MAMLD1: variants seen among roughly 807,000 people sequenced by gnomAD.
MAMLD1 encodes mastermind-like domain-containing protein 1.
Under a neutral mutation model 45.0 loss-of-function variants are expected in MAMLD1, and 14 were observed. The ratio of observed to expected loss-of-function variants is 0.31; its 90% CI spans 0.21 to 0.49. MAMLD1 has a LOEUF of 0.49. MAMLD1 is among the 20% of genes least tolerant of loss of function. The probability of loss-of-function intolerance (pLI) is 0.99; values close to 1 mark genes in which losing one functional copy is unlikely to be tolerated. For missense variants in MAMLD1, 543 were observed against 603.6 expected, an observed-to-expected ratio of 0.90 and a Z score of 1.05; for synonymous variants, 254 against 247.8, an observed-to-expected ratio of 1.02 and a Z score of -0.24.
chrX:150,497,001 ATC>A (rs1473858983), intron 5 of MAMLD1, among the ~76,000 whole-genome samples: 1 of 112,720 alleles, frequency 8.9e-6, no homozygotes, highest in African/African-American at 3.2e-5. Flanking sequence ...TAAATTTCAA[ATC>A]TGAGAATTTA....
chrX:150,448,601 G>A (rs1426914403), intron 2 of MAMLD1, among the ~76,000 whole-genome samples: 1 of 112,219 alleles, frequency 8.9e-6, no homozygotes, highest in African/African-American at 3.2e-5. Context: ...GGGAACAGAA[G>A]AGTTTGACCT....
At chrX:150,446,931 A>C (rs192055145) in intron 2 of MAMLD1, among the ~76,000 whole-genome samples, 1 of 112,608 alleles carries the variant, frequency 8.9e-6, no homozygotes, top group Non-Finnish European at 1.9e-5. Flanking sequence ...CTTGGGCCAA[A>C]TTGTAGAAGA....
In MAMLD1 at chrX:150,471,235, C is replaced by T; in HGVS notation, c.1662C>T (p.Pro554=). The part of the protein sequence containing the change: ...PLSHFVSEPG[P]QKMPSMPTTS... ...CCCATTTTGTTTCTGAGCCGGGTCC[C>T]CAGAAGATGCCCTCCATGCCTACCA... The change falls in exon 4 of 8, where the codon CCC becomes CCT. Residue 554 remains proline, a synonymous_variant. Coordinates refer to ENST00000370401, the MANE Select transcript of MAMLD1 (RefSeq NM_005491.5). The T allele has an allele frequency of 8.3e-7, 1 of 1,211,693 alleles. No homozygotes were observed.
In MAMLD1 at chrX:150,385,313, C is replaced by G. The variant is rs2032875082; in HGVS notation, c.-64+21783C>G. ...ACACACACACACACACACACACACA[C>G]AGAGTTTATGCTTGAACAACATAGT... On this transcript the variant is annotated intron_variant, in intron 1 of 7. Transcript: ENST00000370401. 5.5e-5 allele frequency among the ~76,000 whole-genome samples: 6 copies of G among 108,110 alleles called. No individual in the cohort carries two copies. The South Asian group carries it at 2.0e-3, about 35-fold the overall frequency. The allele number at this position is 108,110 out of a possible 115,157, so 93.9% of individuals were successfully genotyped here. A position where few individuals can be genotyped will look rare whatever the true frequency, so the allele number is the denominator to read the frequency against.
chrX:150,511,870 G>C (rs1445994406), intron 7 of MAMLD1, 134 bp from the exon 8 acceptor site: 5 of 466,157 alleles, frequency 1.1e-5, no homozygotes, highest in Non-Finnish European at 1.6e-5. Flanking sequence ...CTGGGGAGCA[G>C]GGGGGAGCTC....
At chrX:150,495,999 A>ACAAAG (rs2148346760) in intron 5 of MAMLD1, among the ~76,000 whole-genome samples, 1 of 112,888 alleles carries the variant, frequency 8.9e-6, no homozygotes, top group South Asian at 3.6e-4. Flanking sequence ...GTCTTTAAAA[A>ACAAAG]CAAAACAAAA....
At chrX:150,412,398 C>T (rs1172646831) in intron 1 of MAMLD1, among the ~76,000 whole-genome samples, 4 of 110,825 alleles carry the variant, frequency 3.6e-5, no homozygotes, top group Non-Finnish European at 7.6e-5. Context: ...GCAAATCTAC[C>T]TCTTCAGCTC....
intron 6 of MAMLD1, among the ~76,000 whole-genome samples, chrX:150,507,751 C>T (rs1603041625): frequency 1.8e-5 from 2 of 112,491 alleles, no homozygotes; most frequent in Admixed American, 9.3e-5. Context: ...TGCCCTGCCC[C>T]GGCGTGGCCT....
chrX:150,506,252 A>G (rs1401769598), intron 6 of MAMLD1, among the ~76,000 whole-genome samples: 1 of 109,107 alleles, frequency 9.2e-6, no homozygotes, highest in Non-Finnish European at 1.9e-5. Flanking sequence ...GGAGGGGTAG[A>G]TAATCTCCCC....
At chrX:150,461,192 C>T (rs1816359209) in intron 2 of MAMLD1, among the ~76,000 whole-genome samples, 1 of 113,127 alleles carries the variant, frequency 8.8e-6, no homozygotes, top group African/African-American at 3.2e-5. Flanking sequence ...CCCTGGGTGG[C>T]CCTGGAGGTG....
Position 150,512,128 on chromosome X carries a change from C to T in MAMLD1, c.*169C>T. 1 of 1,153,896 alleles carries T rather than the reference C, an allele frequency of 8.7e-7. No individual in the cohort carries two copies. The highest frequency in any genetic ancestry group is 1.9e-5 in the South Asian group (1 of 52,258). On this transcript the variant is annotated 3_prime_UTR_variant, in exon 8 of 8. Coordinates refer to ENST00000370401, the MANE Select transcript of MAMLD1 (RefSeq NM_005491.5). ...ATCTGAGTCCAGGAATGATCCCACT[C>T]ACCAGGCACCAGAGCTGCGAGGGCA...
intron 1 of MAMLD1, among the ~76,000 whole-genome samples, chrX:150,364,110 C>T (rs782019836): frequency 8.8e-6 from 1 of 113,248 alleles, no homozygotes; most frequent in East Asian, 2.8e-4. Flanking sequence ...CGGAGCTGAG[C>T]TGGTGTTCAG....
intron 2 of MAMLD1, among the ~76,000 whole-genome samples, chrX:150,457,302 C>A (rs1174031089): frequency 8.9e-6 from 1 of 112,189 alleles, no homozygotes; most frequent in Non-Finnish European, 1.9e-5. Flanking sequence ...GCAGAGATTT[C>A]TCTGCCAGTC....
chrX:150,432,930 T>A (rs782222121), intron 1 of MAMLD1, among the ~76,000 whole-genome samples: 1 of 112,023 alleles, frequency 8.9e-6, no homozygotes, highest in Non-Finnish European at 1.9e-5. Context: ...ATTTTATTTT[T>A]TTTTCTAATT....
intron 2 of MAMLD1, among the ~76,000 whole-genome samples, chrX:150,454,467 A>T (rs1415198736): frequency 3.6e-5 from 4 of 112,282 alleles, no homozygotes; most frequent in Non-Finnish European, 5.6e-5. Context: ...ACATAAAATT[A>T]CTTTATTGGC....
intron 1 of MAMLD1, among the ~76,000 whole-genome samples, chrX:150,366,764 G>A (rs1409218293): frequency 7.2e-5 from 8 of 111,353 alleles, no homozygotes; most frequent in African/African-American, 2.0e-4. Context: ...GCCCTCTCCC[G>A]GTGCCTGCCT....
intron 1 of MAMLD1, among the ~76,000 whole-genome samples, chrX:150,385,659 C>T (rs1268759313): frequency 9.0e-6 from 1 of 111,215 alleles, no homozygotes; most frequent in South Asian, 3.8e-4. Flanking sequence ...GGAAGGGTTG[C>T]TCTTGCTGTC....
At chrX:150,383,351 G>A (rs1254712406) in intron 1 of MAMLD1, among the ~76,000 whole-genome samples, 15 of 111,175 alleles carry the variant, frequency 1.3e-4, no homozygotes, top group South Asian at 3.7e-4. Flanking sequence ...GATTTACTTC[G>A]TATGTAAATT....
intron 1 of MAMLD1, among the ~76,000 whole-genome samples, chrX:150,401,846 G>T (rs1173162915): frequency 1.8e-5 from 2 of 110,374 alleles, no homozygotes; most frequent in Non-Finnish European, 3.8e-5. Flanking sequence ...AATAAATGGT[G>T]CTGGGAAAAC....
Sources: gnomAD v4.1 joint callset for allele counts (sites outside exome capture counted in the v4.1 genomes callset) on GRCh38, gnomAD v4.1.1 for gene constraint, MANE v1.5 for transcripts, NCBI Gene and HGNC (gene_info 2026-07-23, HGNC 2026-07-21) for gene names.